The following USP7 variants were observed in gnomAD, a reference collection of about 807,000 sequenced individuals.
USP7 encodes ubiquitin specific peptidase 7, also known as ubiquitin C-terminal hydrolase 7.
A neutral mutation model predicts 162.9 loss-of-function variants in USP7; 9 were observed. That is an observed-to-expected ratio of 0.06 (90% confidence interval 0.03 to 0.10). The LOEUF (loss-of-function observed/expected upper bound fraction) is 0.10. USP7 is among the 10% of genes least tolerant of loss of function. The pLI is 1.00. For synonymous variants in USP7, 562 were observed against 475.9 expected (o/e 1.18, Z -2.35); for missense variants, 715 against 1,373.7 (o/e 0.52, Z 7.58).
At position 8,903,441 on chromosome 16, in the gene USP7, C is replaced by G. The variant is rs77912250; in HGVS notation, c.1705-39G>C. 1,294 of 1,594,042 alleles carry G rather than the reference C, an allele frequency of 8.1e-4. 6 individuals are homozygous for G. The African/African-American group carries it at 0.014, about 17-fold the overall frequency. ...TGAAAGCACAGAAAAGACTTGACAACTGACAAAAAATGAGTCCACACTGAA... is the reference window on the plus strand; with the variant it reads ...TGAAAGCACAGAAAAGACTTGACAAGTGACAAAAAATGAGTCCACACTGAA... On this transcript the variant is annotated intron_variant, in intron 15 of 30. Coordinates refer to ENST00000344836, the MANE Select transcript of USP7 (RefSeq NM_003470.3).
chr16:8,915,601 GA>G, intron 8 of USP7, 76 bp from the exon 9 acceptor site: 1 of 1,262,270 alleles, frequency 7.9e-7, no homozygotes, highest in Non-Finnish European at 1.1e-6. Flanking sequence ...TAATTGACTA[GA>G]AATATCAATG....
rs114956279 is a variant in USP7 at position 8,927,511 on chromosome 16, A to C, written c.184+2782T>G. On this transcript the variant is annotated intron_variant, in intron 2 of 30. Transcript: ENST00000344836. The stretch of plus-strand genomic sequence containing the variant: ...TTAGTTTCATGGAGAACAACATTCT[A>C]AATCTAGATCCATCTAGATCTTCAG... Among the ~76,000 whole-genome samples the C allele has an allele frequency of 4.7e-3, 709 of 152,270 alleles. 5 individuals are homozygous for C. The highest frequency in any genetic ancestry group is 0.016 in the African/African-American group (675 of 41,538).
intron 1 of USP7, among the ~76,000 whole-genome samples, chr16:8,961,366 G>C (rs1469212668): frequency 4.6e-5 from 7 of 151,826 alleles, no homozygotes; most frequent in African/African-American, 1.7e-4. Flanking sequence ...GTTGCACATG[G>C]CTGTAATCCC....
chr16:8,902,573 A>G, intron 16 of USP7, 91 bp from the exon 17 acceptor site: 1 of 991,078 alleles, frequency 1.0e-6, no homozygotes, highest in Non-Finnish European at 1.5e-6. Context: ...ACATATACAT[A>G]TATATATATA....
intron 1 of USP7, among the ~76,000 whole-genome samples, chr16:8,961,586 A>G (rs1045688513): frequency 6.7e-6 from 1 of 149,924 alleles, no homozygotes; most frequent in South Asian, 2.1e-4. Flanking sequence ...CATGCTCTGC[A>G]GTAATGTCTG....
intron 25 of USP7, 41 bp from the exon 26 acceptor site, chr16:8,897,140 A>AC: frequency 3.4e-6 from 5 of 1,469,792 alleles, no homozygotes; most frequent in Non-Finnish European, 4.8e-6. Flanking sequence ...TCAAGAAAGC[A>AC]TAAAAGGTCT....
At chr16:8,927,795 C>T (rs1245203072) in intron 2 of USP7, among the ~76,000 whole-genome samples, 1 of 152,182 alleles carries the variant, frequency 6.6e-6, no homozygotes, top group East Asian at 1.9e-4. Context: ...GAGATCTTGC[C>T]ACTGTACTCT....
chr16:8,934,124 C>T (rs2437714), intron 1 of USP7, among the ~76,000 whole-genome samples: 150,669 of 152,324 alleles, frequency 0.99, 74,537 homozygotes, highest in East Asian at 1. Flanking sequence ...TTCAAACTTA[C>T]CCTACGACAA....
chr16:8,916,253 A>G (rs1371392282), intron 8 of USP7, among the ~76,000 whole-genome samples: 1 of 152,202 alleles, frequency 6.6e-6, no homozygotes. Flanking sequence ...TACCAATTTA[A>G]CAAATTAAAA....
intron 1 of USP7, among the ~76,000 whole-genome samples, chr16:8,954,416 G>A (rs890106841): frequency 6.6e-6 from 1 of 152,212 alleles, no homozygotes; most frequent in Admixed American, 6.5e-5. Flanking sequence ...GGTAGCTCGC[G>A]TGTTCTCAAA....
chr16:8,921,807 G>C (rs1175166664), intron 3 of USP7, among the ~76,000 whole-genome samples: 1 of 152,224 alleles, frequency 6.6e-6, no homozygotes, highest in East Asian at 1.9e-4. Context: ...TGTACCTGCA[G>C]TGAAGTGTGG....
In USP7 at chr16:8,895,270, G is replaced by A. The variant is rs1227891687; in HGVS notation, c.2920-120C>T. 9.6e-6 allele frequency: 14 copies of A among 1,465,376 alleles called. No homozygotes were observed. In the Admixed American group the frequency reaches 1.9e-4, roughly 19 times the overall value. The allele number at this position is 1,465,376 out of a possible 1,614,324, so 90.8% of individuals were successfully genotyped here. A position where few individuals can be genotyped will look rare whatever the true frequency, so the allele number is the denominator to read the frequency against. ...TAAAGCCTATTTTTGCTAAAAAAAC[G>A]CCACACCTGGATCCAGCCAGAGTGA... On this transcript the variant is annotated intron_variant, in intron 27 of 30. Coordinates refer to ENST00000344836, the MANE Select transcript of USP7 (RefSeq NM_003470.3).
intron 1 of USP7, among the ~76,000 whole-genome samples, chr16:8,961,809 G>T (rs955300102): frequency 2.6e-5 from 4 of 152,174 alleles, no homozygotes; most frequent in Admixed American, 2.6e-4. Flanking sequence ...CTTCTTTTCA[G>T]CTATTTGGTT....
At chr16:8,956,272 T>G (rs1273338589) in intron 1 of USP7, 1 of 152,188 alleles carries the variant, frequency 6.6e-6, no homozygotes, top group Non-Finnish European at 1.5e-5. Context: ...TAAATAGTTT[T>G]TAGATTCTCA....
chr16:8,952,465 T>C (rs960734), intron 1 of USP7, among the ~76,000 whole-genome samples: 7,109 of 152,174 alleles, frequency 0.047, 228 homozygotes, highest in Middle Eastern at 0.15. Flanking sequence ...CAGGGCCACA[T>C]TCCTTCTGGA....
rs144102588 is a variant in USP7 at position 8,897,006 on chromosome 16, T to G, written c.2812A>C (p.Lys938Gln). The change falls in exon 26 of 31, where the codon AAA (lysine) becomes CAA (glutamine). Residue 938 changes from lysine (K) to glutamine (Q), a missense_variant. Transcript: ENST00000344836. The part of the protein sequence containing the change: ...AVELGEKASG[K>Q]LRLLEIVSYK... ...GGCTCAAGAAATACTTGCCTAAGTT[T>G]CCCTGATGCTTTCTCCCCAAGCTCC... is the stretch of plus-strand genomic sequence containing the variant. 7.2e-4 allele frequency: 1,165 copies of G among 1,613,742 alleles called. 1 individual carries two copies. Among genetic ancestry groups the G allele is most frequent in the Admixed American group, 1.0e-3 (62 of 60,020 alleles).
chr16:8,963,586 C>CCGCCGT lies in USP7; in HGVS notation c.-302_-301insACGGCG, dbSNP rs1219002744. The CCGCCGT allele has an allele frequency of 7.1e-6, 1 of 140,334 alleles. No individual in the cohort carries two copies. Among genetic ancestry groups the CCGCCGT allele is most frequent in the Non-Finnish European group, 1.6e-5 (1 of 63,658 alleles). 8.7% of individuals were successfully genotyped at this position (140,334 alleles called of 1,614,324 possible). A position where few individuals can be genotyped will look rare whatever the true frequency, so the allele number is the denominator to read the frequency against. On this transcript the variant is annotated 5_prime_UTR_variant, in exon 1 of 31. Coordinates refer to ENST00000344836, the MANE Select transcript of USP7 (RefSeq NM_003470.3). ...GCTGCGGCCGCCGCCGCCGCCGCCG[C>CCGCCGT]GGGGCCCGCCTCCCGCCGCCGGGGC...
chr16:8,897,116 T>C lies in USP7; in HGVS notation c.2719-17A>G, dbSNP rs764139280. On this transcript the variant is annotated splice_polypyrimidine_tract_variant and intron_variant, in intron 25 of 30. Transcript: ENST00000344836. ...TGTTATTTCCTAAGTAATGAAAAGA[T>C]AAAATAAGTGCTTTCAAGAAAGCAT... is the stretch of plus-strand genomic sequence containing the variant. 1 of 1,581,056 alleles carries C rather than the reference T, an allele frequency of 6.3e-7. No individual in the cohort carries two copies. Among genetic ancestry groups the C allele is most frequent in the Non-Finnish European group, 8.7e-7 (1 of 1,151,394 alleles).
At chr16:8,927,815 G>C (rs554383267) in intron 2 of USP7, among the ~76,000 whole-genome samples, 1 of 152,130 alleles carries the variant, frequency 6.6e-6, no homozygotes. Flanking sequence ...TAGCCTGGGC[G>C]ACACAACAAG....
Sources: gnomAD v4.1 joint callset for allele counts (sites outside exome capture counted in the v4.1 genomes callset) on GRCh38, gnomAD v4.1.1 for gene constraint, MANE v1.5 for transcripts, NCBI Gene and HGNC (gene_info 2026-07-23, HGNC 2026-07-21) for gene names.